LPIN2: variants seen among roughly 807,000 people sequenced by gnomAD.
The protein encoded by LPIN2 is lipin 2.
Under a neutral mutation model 111.4 loss-of-function variants are expected in LPIN2, and 55 were observed. The observed-to-expected ratio is 0.49, with a 90% confidence interval of 0.40 to 0.62. The LOEUF is 0.62. Among genes scored for constraint, LPIN2 ranks in the 20% least tolerant of loss-of-function variants. The pLI is 0.00. For synonymous variants in LPIN2, 425 were observed against 414.0 expected, an observed-to-expected ratio of 1.03 and a Z score of -0.32; for missense variants, 992 against 1,112.1, an observed-to-expected ratio of 0.89 and a Z score of 1.54.
At chr18:2,923,886 A>G in intron 15 of LPIN2, 25 bp from the exon 16 acceptor site, 1 of 1,593,948 alleles carries the variant, frequency 6.3e-7, no homozygotes. Flanking sequence ...GAAACAGGAA[A>G]AGCTATCAGG....
chr18:2,968,325 A>T (rs976856718), intron 1 of LPIN2, among the ~76,000 whole-genome samples: 2 of 152,188 alleles, frequency 1.3e-5, no homozygotes, highest in African/African-American at 4.8e-5. Flanking sequence ...ACTCAGAAAC[A>T]ATCACAAAAA....
intron 1 of LPIN2, among the ~76,000 whole-genome samples, chr18:2,988,012 C>CAAAAAAAAAAAAAAAAAAAAAAAAAAAA (rs761121515): frequency 3.1e-5 from 1 of 32,344 alleles, no homozygotes; most frequent in Non-Finnish European, 6.4e-5. Context: ...GAGACTGTCT[C>CAAAAAAAAAAAAAAAAAAAAAAAAAAAA]AAAAAAAAAA....
In LPIN2 at chr18:2,920,431, G is replaced by A. The variant is rs766665054; in HGVS notation, c.2553C>T (p.His851=). ...CATGCTCCACGAGCTCACTCAGCCT[G>A]TGATACCTAAGAGAAAGGTTGGGGA... The part of the protein sequence containing the change: ...ERTKGNKSSY[H]RLSELVEHVF... The change falls in exon 20 of 20, where the codon CAC becomes CAT. Residue 851 remains histidine (H), a synonymous_variant. Coordinates refer to ENST00000677752, the MANE Select transcript of LPIN2 (RefSeq NM_001375808.2). The A allele has an allele frequency of 1.2e-6, 2 of 1,613,634 alleles. No individual in the cohort carries two copies. Among genetic ancestry groups the A allele is most frequent in the Non-Finnish European group, 1.7e-6 (2 of 1,180,050 alleles).
At position 2,945,876 on chromosome 18, in the gene LPIN2, G is replaced by A; in HGVS notation, c.591-5164C>T. The A allele has an allele frequency of 5.5e-6, 8 of 1,464,734 alleles. No individual in the cohort carries two copies. In the South Asian group the frequency reaches 5.7e-5, roughly 10 times the overall value. The allele number at this position is 1,464,734 out of a possible 1,614,324, so 90.7% of individuals were successfully genotyped here. On this transcript the variant is annotated intron_variant, in intron 4 of 19. Transcript: ENST00000677752. ...TCTACATGGAACAACTTTTTTCCCA[G>A]CATCTTTTTTAGTCCACATGTTTCT...
chr18:2,922,288 CTTTT>C, intron 16 of LPIN2, 89 bp from the exon 17 acceptor site: 2 of 1,311,228 alleles, frequency 1.5e-6, no homozygotes, highest in South Asian at 2.8e-5. Flanking sequence ...ACTTTTCTTT[CTTTT>C]TTTTTTGAGT....
intron 14 of LPIN2, among the ~76,000 whole-genome samples, chr18:2,924,865 G>C (rs1333711862): frequency 1.3e-5 from 2 of 152,190 alleles, no homozygotes; most frequent in Admixed American, 6.5e-5. Flanking sequence ...ACCGAAAATG[G>C]GTCAAAGGCA....
intron 6 of LPIN2, 68 bp from the exon 7 acceptor site, chr18:2,938,105 C>T: frequency 8.3e-7 from 1 of 1,208,006 alleles, no homozygotes; most frequent in South Asian, 1.2e-5. Context: ...ATTTCCTAAG[C>T]TGGCAATGTG....
rs1467312982 is a variant in LPIN2 at position 2,928,657 on chromosome 18, G to A, written c.1554C>T (p.Tyr518=). Residue 518 remains tyrosine, a synonymous_variant, in exon 11 of 20, where the codon TAC becomes TAT. Transcript: ENST00000677752. The part of the protein sequence containing the change: ...PNLVIRIYNR[Y]YNWALAAPMI... ...TGGGAGCTGCCAAAGCCCAGTTATA[G>A]TAACTGTGAGAAACAAAAATTGTGC... is the stretch of plus-strand genomic sequence containing the variant. 2 of 1,606,972 alleles carry A rather than the reference G, an allele frequency of 1.2e-6. No individual in the cohort carries two copies. Among genetic ancestry groups the A allele is most frequent in the Non-Finnish European group, 8.5e-7 (1 of 1,175,442 alleles).
intron 8 of LPIN2, among the ~76,000 whole-genome samples, chr18:2,934,123 A>C (rs1240119055): frequency 6.6e-6 from 1 of 152,246 alleles, no homozygotes; most frequent in Non-Finnish European, 1.5e-5. Context: ...TAACTAGTAT[A>C]TCTCTCCTCA....
At chr18:2,955,508 C>T (rs913437829) in intron 2 of LPIN2, among the ~76,000 whole-genome samples, 1 of 152,208 alleles carries the variant, frequency 6.6e-6, no homozygotes, top group Non-Finnish European at 1.5e-5. Flanking sequence ...CCCCCATGAT[C>T]CAAACACCTC....
rs374042100 is a variant in LPIN2 at position 2,938,009 on chromosome 18, T to C, written c.851A>G (p.His284Arg). 3 of 1,613,974 alleles carry C rather than the reference T, an allele frequency of 1.9e-6. No homozygotes were observed. Among genetic ancestry groups the C allele is most frequent in the Non-Finnish European group, 2.5e-6 (3 of 1,180,016 alleles). ...TGGTGTAATTGTAGCTGTCCTAGGATGATGGTCAGATCGTTCTCTTTTGCT... is the reference window on the plus strand; with the variant it reads ...TGGTGTAATTGTAGCTGTCCTAGGACGATGGTCAGATCGTTCTCTTTTGCT... ...KVSKRERSDH[H>R]PRTATITPSE... Residue 284 changes from histidine (H) to arginine (R), a missense_variant, in exon 7 of 20, where the codon CAT becomes CGT. Around this residue, in one of 4 missense-constraint regions of LPIN2, gnomAD observed 709 missense variants for 753.2 expected, o/e 0.94. Coordinates refer to ENST00000677752, the MANE Select transcript of LPIN2 (RefSeq NM_001375808.2).
Position 2,938,021 on chromosome 18 carries a change from C to T in LPIN2, c.839G>A (p.Arg280Gln), listed in dbSNP as rs749727482. The T allele has an allele frequency of 4.3e-6, 7 of 1,613,780 alleles. No individual in the cohort carries two copies. In the Admixed American group the frequency reaches 1.0e-4, roughly 23 times the overall value. The change falls in exon 7 of 20, where the codon CGA (arginine) becomes CAA (glutamine). Residue 280 changes from arginine (R) to glutamine (Q), a missense_variant. Arg to Gln is a conservative substitution (Grantham distance 43, BLOSUM62 1). This residue lies in a region of LPIN2 where 709 missense variants were observed against 753.2 expected (regional missense o/e 0.94). Transcript: ENST00000677752. ...PESTKVSKRERSDHHPRTATI... is the reference protein window; with the variant it reads ...PESTKVSKREQSDHHPRTATI... ...AGCTGTCCTAGGATGATGGTCAGAT[C>T]GTTCTCTTTTGCTGACCTAAAAAAG...
intron 6 of LPIN2, 125 bp downstream of exon 6, chr18:2,939,355 T>C: frequency 8.9e-7 from 1 of 1,129,044 alleles, no homozygotes; most frequent in Non-Finnish European, 1.3e-6. Context: ...TTTTATGACA[T>C]GAGGGCACTA....
At chr18:2,944,333 C>CTTTTTT (rs768515839) in intron 4 of LPIN2, among the ~76,000 whole-genome samples, 1 of 51,350 alleles carries the variant, frequency 1.9e-5, no homozygotes, top group African/African-American at 6.6e-5. Context: ...TTTCCACAAA[C>CTTTTTT]TTTTTTTTTT....
At chr18:2,977,614 A>G (rs1279629195) in intron 1 of LPIN2, among the ~76,000 whole-genome samples, 2 of 152,180 alleles carry the variant, frequency 1.3e-5, no homozygotes, top group African/African-American at 4.8e-5. Context: ...AAATCAAAAG[A>G]GCAAACGTAT....
intron 1 of LPIN2, among the ~76,000 whole-genome samples, chr18:3,001,405 G>C (rs546863967): frequency 2.3e-5 from 2 of 86,832 alleles, no homozygotes; most frequent in African/African-American, 7.0e-5. Context: ...CCAGAGAAAA[G>C]AAAAATTTGA....
chr18:2,963,791 A>G (rs58597067), intron 1 of LPIN2, among the ~76,000 whole-genome samples: 4,457 of 152,074 alleles, frequency 0.029, 282 homozygotes, highest in African/African-American at 0.1. Flanking sequence ...GCACTTGCTG[A>G]TTCTTGGAAC....
Position 2,940,661 on chromosome 18 carries a change from G to A in LPIN2, c.642C>T (p.Leu214=), listed in dbSNP as rs1464331999. ...LKEEECKEPL[L]FHSGDHYPLS... ...AGGGGTAATGATCCCCAGAATGGAA[G>A]AGCAAAGGCTCTTTACATTCTTCTT... Residue 214 remains leucine, a synonymous_variant, in exon 5 of 20, where the codon CTC becomes CTT. Transcript: ENST00000677752. The A allele has an allele frequency of 6.2e-7, 1 of 1,613,442 alleles. No homozygotes were observed. The highest frequency in any genetic ancestry group is 2.2e-5 in the East Asian group (1 of 44,850).
intron 4 of LPIN2, chr18:2,946,473 C>T (rs757524719): frequency 1.0e-5 from 16 of 1,531,520 alleles, no homozygotes; most frequent in Middle Eastern, 1.7e-4. Context: ...GTGCAAGCAT[C>T]GTCGGAATTG....
Sources: allele counts gnomAD v4.1 joint callset (sites outside exome capture counted in the v4.1 genomes callset), GRCh38; gene constraint gnomAD v4.1.1; regional missense constraint gnomAD v4.1.1; transcripts MANE v1.5; gene names NCBI Gene and HGNC (gene_info 2026-07-23, HGNC 2026-07-21).